The following ZSCAN25 variants were observed in gnomAD, a reference collection of about 807,000 sequenced individuals.
The protein encoded by ZSCAN25 is zinc finger and SCAN domain-containing protein 25.
Under a neutral mutation model 38.7 loss-of-function variants are expected in ZSCAN25, and 27 were observed. That is an observed-to-expected ratio of 0.70 (90% CI 0.51 to 0.96). The LOEUF (loss-of-function observed/expected upper bound fraction) is 0.96, where lower values mean the gene tolerates loss of function less well. Ranked by LOEUF, ZSCAN25 falls within the 40% of genes least tolerant of loss-of-function variation. The pLI is 0.00. For missense variants in ZSCAN25, 637 were observed against 705.9 expected, an observed-to-expected ratio of 0.90 and a Z score of 1.11; for synonymous variants, 273 against 277.7, an observed-to-expected ratio of 0.98 and a Z score of 0.17.
At chr7:99,711,781 A>ACAC in the ZSCAN25 span, among the ~76,000 whole-genome samples, 2 of 151,212 alleles carry the variant, frequency 1.3e-5, no homozygotes, top group Non-Finnish European at 3.0e-5. Context: ...AAACAAAACA[A>ACAC]AACAACAACA....
chr7:99,665,773 A>G, the ZSCAN25 span, among the ~76,000 whole-genome samples: 5 of 152,194 alleles, frequency 3.3e-5, no homozygotes, highest in Admixed American at 1.3e-4. Flanking sequence ...AAACAGTAAC[A>G]CCCTGTTCTG....
chr7:99,660,788 G>C, the ZSCAN25 span: 1 of 1,129,864 alleles, frequency 8.9e-7, no homozygotes, highest in South Asian at 1.4e-5. Flanking sequence ...GTCACACTGG[G>C]AGTGGTTTTC....
downstream of ZSCAN25, among the ~76,000 whole-genome samples, chr7:99,636,790 A>G (rs1053977359): frequency 1.3e-5 from 2 of 152,228 alleles, no homozygotes; most frequent in African/African-American, 4.8e-5. Context: ...CTAGCCAGCT[A>G]ACCAAGTAAT....
the ZSCAN25 span, among the ~76,000 whole-genome samples, chr7:99,737,952 T>TA: frequency 6.6e-6 from 1 of 152,200 alleles, no homozygotes; most frequent in African/African-American, 2.4e-5. Flanking sequence ...TCAAGGAAGA[T>TA]ACTATGCATT....
intron 5 of ZSCAN25, 143 bp downstream of exon 5, chr7:99,621,717 A>G (rs1806981722): frequency 1.7e-6 from 1 of 581,854 alleles, no homozygotes; most frequent in Non-Finnish European, 2.6e-6. Flanking sequence ...CCTCCACCTT[A>G]GGAAATAGAT....
chr7:99,733,235 T>C, the ZSCAN25 span, among the ~76,000 whole-genome samples: 1 of 152,188 alleles, frequency 6.6e-6, no homozygotes, highest in Non-Finnish European at 1.5e-5. Flanking sequence ...ACTTTCTACA[T>C]GTTACATGAT....
chr7:99,626,604 A>G (rs1286989246), intron 7 of ZSCAN25, among the ~76,000 whole-genome samples: 2 of 152,174 alleles, frequency 1.3e-5, no homozygotes, highest in African/African-American at 2.4e-5. Context: ...GGGCCTGGAA[A>G]AATTATGTTA....
the ZSCAN25 span, chr7:99,715,838 T>C: frequency 1.2e-6 from 2 of 1,613,970 alleles, no homozygotes; most frequent in South Asian, 2.2e-5. Context: ...TTGTGGATTG[T>C]TGAGAGAGTC....
At chr7:99,645,294 C>T in the ZSCAN25 span, among the ~76,000 whole-genome samples, 3 of 152,138 alleles carry the variant, frequency 2.0e-5, no homozygotes, top group East Asian at 1.9e-4. Context: ...CAGCTGATCT[C>T]GTTCCTTTTT....
At chr7:99,660,043 C>A in the ZSCAN25 span, 1 of 242,264 alleles carries the variant, frequency 4.1e-6, no homozygotes, top group Non-Finnish European at 6.6e-6. Flanking sequence ...CCTGCTTTGG[C>A]TCAGGCTGGG....
chr7:99,696,837 C>A, the ZSCAN25 span, among the ~76,000 whole-genome samples: 6 of 152,172 alleles, frequency 3.9e-5, no homozygotes, highest in African/African-American at 1.4e-4. Flanking sequence ...TTCACACCAA[C>A]CCCCTTTGGG....
the ZSCAN25 span, among the ~76,000 whole-genome samples, chr7:99,656,372 C>T: frequency 6.6e-6 from 1 of 152,106 alleles, no homozygotes; most frequent in African/African-American, 2.4e-5. Flanking sequence ...TGTTTATATG[C>T]TGGATTATGT....
At chr7:99,722,352 G>C in the ZSCAN25 span, 1 of 1,613,314 alleles carries the variant, frequency 6.2e-7, no homozygotes, top group Non-Finnish European at 8.5e-7. Flanking sequence ...AATAGCCCTG[G>C]GAGGAGAAAC....
chr7:99,735,834 G>A, the ZSCAN25 span, among the ~76,000 whole-genome samples: 1 of 152,190 alleles, frequency 6.6e-6, no homozygotes, highest in Admixed American at 6.5e-5. Context: ...CTATCAGGGT[G>A]CTGTACACAC....
chr7:99,632,666 C>T (rs777990434), downstream of ZSCAN25, among the ~76,000 whole-genome samples: 6 of 152,122 alleles, frequency 3.9e-5, no homozygotes, highest in Non-Finnish European at 5.9e-5. Context: ...TGGTGCATGC[C>T]TGTGGTCCCA....
At chr7:99,733,175 C>T in the ZSCAN25 span, among the ~76,000 whole-genome samples, 19 of 152,212 alleles carry the variant, frequency 1.2e-4, no homozygotes, top group African/African-American at 4.3e-4. Context: ...CTGTTCCTTC[C>T]TTTGTTGTCA....
the ZSCAN25 span, among the ~76,000 whole-genome samples, chr7:99,716,096 C>T: frequency 1.8e-4 from 28 of 152,170 alleles, no homozygotes; most frequent in Admixed American, 1.8e-3. Context: ...ACACAGCTGG[C>T]TCTCCGCTGG....
intron 6 of ZSCAN25, 23 bp downstream of exon 6, chr7:99,622,663 G>GA: frequency 6.2e-7 from 1 of 1,609,720 alleles, no homozygotes; most frequent in Non-Finnish European, 8.5e-7. Context: ...TCCCTTTGCA[G>GA]AAATCATGAC....
the ZSCAN25 span, among the ~76,000 whole-genome samples, chr7:99,728,597 G>A: frequency 1.3e-5 from 2 of 152,106 alleles, no homozygotes; most frequent in African/African-American, 4.8e-5. Flanking sequence ...GCTCCACCAC[G>A]TACATATGTC....
Sources: gnomAD v4.1 joint callset for allele counts (sites outside exome capture counted in the v4.1 genomes callset) on GRCh38, gnomAD v4.1.1 for gene constraint, MANE v1.5 for transcripts, NCBI Gene and HGNC (gene_info 2026-07-23, HGNC 2026-07-21) for gene names.